Variants in TENM3 observed in about 807,000 individuals in gnomAD.
TENM3 encodes the protein teneurin-3.
A neutral mutation model predicts 255.1 loss-of-function variants in TENM3; 63 were observed. The observed-to-expected ratio is 0.25, with a 90% CI of 0.20 to 0.30. The LOEUF (loss-of-function observed/expected upper bound fraction) is 0.30. Ranked by LOEUF, TENM3 falls within the 10% of genes least tolerant of loss-of-function variation. The probability of loss-of-function intolerance (pLI) is 1.00; values close to 1 mark genes in which losing one functional copy is unlikely to be tolerated. For missense variants in TENM3, 2,929 were observed against 3,461.1 expected, an observed-to-expected ratio of 0.85 and a Z score of 3.86; for synonymous variants, 1,306 against 1,322.3, an observed-to-expected ratio of 0.99 and a Z score of 0.27.
the TENM3 span, among the ~76,000 whole-genome samples, chr4:182,106,447 G>A: frequency 6.6e-6 from 1 of 152,122 alleles, no homozygotes; most frequent in Non-Finnish European, 1.5e-5. Context: ...ATGGAGCGAG[G>A]CCCCTGCCTC....
the TENM3 span, among the ~76,000 whole-genome samples, chr4:181,679,848 ACACT>A: frequency 1.7e-4 from 26 of 152,274 alleles, no homozygotes; most frequent in Middle Eastern, 3.4e-3. Context: ...GATAATTTAA[ACACT>A]CACTTCTGCA....
At chr4:181,861,372 T>G in the TENM3 span, among the ~76,000 whole-genome samples, 30 of 152,282 alleles carry the variant, frequency 2.0e-4, 1 homozygote, top group East Asian at 9.7e-4. Flanking sequence ...CTTGAGGCAG[T>G]CTTTCAACAT....
At chr4:182,556,482 A>G (rs1054327195) in intron 3 of TENM3, among the ~76,000 whole-genome samples, 1 of 152,234 alleles carries the variant, frequency 6.6e-6, no homozygotes, top group African/African-American at 2.4e-5. Flanking sequence ...TAGTGAAATC[A>G]TTTGGTCATG....
At chr4:182,123,546 A>G in the TENM3 span, among the ~76,000 whole-genome samples, 1 of 152,222 alleles carries the variant, frequency 6.6e-6, no homozygotes, top group Admixed American at 6.5e-5. Flanking sequence ...ATGGGGAAGC[A>G]GCCAATCAGT....
chr4:182,621,773 TTATATA>T (rs1451604076), intron 4 of TENM3, among the ~76,000 whole-genome samples: 1 of 61,134 alleles, frequency 1.6e-5, no homozygotes, highest in Non-Finnish European at 3.1e-5. Context: ...TAATTATATA[TTATATA>T]TAATTATATA....
At chr4:182,390,425 A>G (rs1011694129) in intron 3 of TENM3, among the ~76,000 whole-genome samples, 14 of 152,170 alleles carry the variant, frequency 9.2e-5, no homozygotes, top group Non-Finnish European at 2.9e-5. Flanking sequence ...GTTGTTGCCA[A>G]GGACTCCTCT....
At chr4:182,681,788 T>C in intron 10 of TENM3, 26 bp from the exon 11 acceptor site, 1 of 1,561,796 alleles carries the variant, frequency 6.4e-7, no homozygotes, top group East Asian at 2.3e-5. Context: ...CTGGATTTAA[T>C]AAAATTGTTC....
At chr4:181,788,046 C>T in the TENM3 span, among the ~76,000 whole-genome samples, 5 of 152,094 alleles carry the variant, frequency 3.3e-5, no homozygotes, top group African/African-American at 4.8e-5. Flanking sequence ...CACTTACCCA[C>T]GGCTTCTTGG....
chr4:181,473,635 C>T, the TENM3 span, among the ~76,000 whole-genome samples: 2 of 151,662 alleles, frequency 1.3e-5, no homozygotes, highest in African/African-American at 2.4e-5. Flanking sequence ...AAAAATCGTT[C>T]TTGAGCAGAT....
At chr4:181,894,032 G>GA in the TENM3 span, among the ~76,000 whole-genome samples, 24,592 of 146,246 alleles carry the variant, frequency 0.17, 2,096 homozygotes, top group Middle Eastern at 0.21. Context: ...TTGAGAAGTT[G>GA]AAAAAAAAAA....
intron 2 of TENM3, among the ~76,000 whole-genome samples, chr4:182,327,673 C>T (rs1481636515): frequency 6.6e-6 from 1 of 152,108 alleles, no homozygotes; most frequent in Non-Finnish European, 1.5e-5. Flanking sequence ...TAAATCTCTT[C>T]ATGTAGTTTG....
Position 182,754,491 on chromosome 4 carries a change from G to T in TENM3, c.4124G>T (p.Arg1375Leu), listed in dbSNP as rs367944939. Residue 1375 changes from arginine to leucine, a missense_variant, in exon 22 of 28, where the codon CGC (arginine) becomes CTC (leucine). By Grantham distance (102) the Arg-to-Leu change is moderately radical. This residue lies in a region of TENM3 where 1,608 missense variants were observed against 1,884.4 expected (regional missense o/e 0.85). Coordinates refer to ENST00000511685, the MANE Select transcript of TENM3 (RefSeq NM_001080477.4). This position sits in a 1 kb window ranked among gnomAD's most constrained non-coding sequence, Gnocchi z 5.1. ...CAGATCACTGAAAATCGTCAAGTTCGCATTGCTGCTGGACGGCCCATGCAC... is the reference window on the plus strand; with the variant it reads ...CAGATCACTGAAAATCGTCAAGTTCTCATTGCTGCTGGACGGCCCATGCAC... ...VLQITENRQV[R>L]IAAGRPMHCQ... 3 of 1,613,456 alleles carry T rather than the reference G, an allele frequency of 1.9e-6. No individual in the cohort carries two copies. The highest frequency in any genetic ancestry group is 2.7e-5 in the African/African-American group (2 of 74,910).
At chr4:182,490,560 A>G (rs2151580338) in intron 3 of TENM3, among the ~76,000 whole-genome samples, 1 of 152,304 alleles carries the variant, frequency 6.6e-6, no homozygotes, top group East Asian at 1.9e-4. Context: ...TTCCAGGGGA[A>G]AAAATGGTTA....
intron 6 of TENM3, among the ~76,000 whole-genome samples, 167 bp from the exon 7 acceptor site, chr4:182,672,838 C>A (rs1217313439): frequency 6.6e-6 from 1 of 152,124 alleles, no homozygotes; most frequent in Non-Finnish European, 1.5e-5. Context: ...ACACCAGTAT[C>A]TAATAGTAGA....
At chr4:181,753,764 C>T in the TENM3 span, among the ~76,000 whole-genome samples, 12 of 152,242 alleles carry the variant, frequency 7.9e-5, no homozygotes, top group East Asian at 2.3e-3. Context: ...TTATTATTTG[C>T]ATGTAGTTTT....
At chr4:181,598,750 A>G in the TENM3 span, among the ~76,000 whole-genome samples, 2 of 152,144 alleles carry the variant, frequency 1.3e-5, no homozygotes, top group Non-Finnish European at 2.9e-5. Context: ...TACAGCTATG[A>G]AATTCTGACC....
chr4:181,833,773 C>A, the TENM3 span, among the ~76,000 whole-genome samples: 11 of 152,166 alleles, frequency 7.2e-5, no homozygotes, highest in Admixed American at 2.6e-4. Flanking sequence ...CTTGCACTGA[C>A]CCGTGTATTA....
intron 12 of TENM3, among the ~76,000 whole-genome samples, chr4:182,710,995 G>A (rs961607210): frequency 9.2e-5 from 14 of 152,118 alleles, no homozygotes; most frequent in South Asian, 2.1e-4. Flanking sequence ...AAATAAACAG[G>A]ATCTTAGAAT....
At chr4:181,723,433 G>C in the TENM3 span, among the ~76,000 whole-genome samples, 1 of 151,500 alleles carries the variant, frequency 6.6e-6, no homozygotes, top group African/African-American at 2.4e-5. Context: ...TTTCCCAGTA[G>C]CTTAATCAGA....
Sources: allele counts gnomAD v4.1 joint callset (sites outside exome capture counted in the v4.1 genomes callset), GRCh38; gene constraint gnomAD v4.1.1; regional missense constraint gnomAD v4.1.1; non-coding constraint Gnocchi (gnomAD v3.1); transcripts MANE v1.5; gene names NCBI Gene and HGNC (gene_info 2026-07-23, HGNC 2026-07-21).